XPR1: variants seen among roughly 807,000 people sequenced by gnomAD.
XPR1 encodes xenotropic and polytropic retrovirus receptor 1.
A neutral mutation model predicts 87.5 loss-of-function variants in XPR1; 28 were observed. The ratio of observed to expected loss-of-function variants is 0.32; its 90% confidence interval spans 0.24 to 0.44. XPR1 has a LOEUF of 0.44. Among genes scored for constraint, XPR1 ranks in the 20% least tolerant of loss-of-function variants. XPR1 has a pLI of 1.00. For missense variants in XPR1, 559 were observed against 862.3 expected (o/e 0.65, Z 4.41); for synonymous variants, 300 against 306.1 (o/e 0.98, Z 0.21).
chr1:180,744,975 C>A (rs907637981), intron 2 of XPR1, among the ~76,000 whole-genome samples: 6 of 152,156 alleles, frequency 3.9e-5, no homozygotes, highest in African/African-American at 1.4e-4. Context: ...TTCTAACTAA[C>A]CTTGTGTGAT....
chr1:180,650,225 C>G (rs780209856), intron 1 of XPR1, among the ~76,000 whole-genome samples: 2 of 151,932 alleles, frequency 1.3e-5, no homozygotes, highest in Non-Finnish European at 2.9e-5. Flanking sequence ...TATTTACCGC[C>G]GTCCCCCCAA....
chr1:180,883,991 C>T lies in XPR1; in HGVS notation c.2031-15C>T, dbSNP rs1652927866. 1 of 1,611,816 alleles carries T rather than the reference C, an allele frequency of 6.2e-7. No individual in the cohort carries two copies. The highest frequency in any genetic ancestry group is 1.3e-5 in the African/African-American group (1 of 74,648). On this transcript the variant is annotated splice_polypyrimidine_tract_variant and intron_variant, in intron 14 of 14. Coordinates refer to ENST00000367590, the MANE Select transcript of XPR1 (RefSeq NM_004736.4). ...TAATGGACTAAGTGCTTTTTGTCCC[C>T]CTTGTTACCACTAGATCCAAGGCTC...
At chr1:180,650,080 T>C (rs1351944361) in intron 1 of XPR1, among the ~76,000 whole-genome samples, 1 of 152,192 alleles carries the variant, frequency 6.6e-6, no homozygotes, top group African/African-American at 2.4e-5. Context: ...AAACCTCTTA[T>C]CTGCTGCTGT....
chr1:180,819,453 A>G (rs1650532340), intron 7 of XPR1, among the ~76,000 whole-genome samples: 1 of 152,170 alleles, frequency 6.6e-6, no homozygotes, highest in Non-Finnish European at 1.5e-5. Context: ...ATTTACTGAA[A>G]GCCTTAGAGA....
chr1:180,695,408 T>TTGTGTGTGTG (rs1205037869), intron 2 of XPR1, among the ~76,000 whole-genome samples: 10,415 of 148,454 alleles, frequency 0.07, 373 homozygotes, highest in Non-Finnish European at 0.082. Flanking sequence ...GTAGTCCCAT[T>TTGTGTGTGTG]TGTGTGTGTG....
rs1653018982 is a variant in XPR1, at chr1:180,886,608, A to G, written c.*2542A>G. 1 of 152,234 alleles carries G rather than the reference A, an allele frequency of 6.6e-6. No homozygotes were observed. The highest frequency in any genetic ancestry group is 2.4e-5 in the African/African-American group (1 of 41,470). The allele number at this position is 152,234 out of a possible 1,614,324, so 9.4% of individuals were successfully genotyped here. A position where few individuals can be genotyped will look rare whatever the true frequency, so the allele number is the denominator to read the frequency against. ...CATAGTCTATTCAAAAATAAGGCTT[A>G]TGTAACTTTCAGCTTGCTATGTGAC... On this transcript the variant is annotated 3_prime_UTR_variant, in exon 15 of 15. Coordinates refer to ENST00000367590, the MANE Select transcript of XPR1 (RefSeq NM_004736.4).
chr1:180,833,810 TGTTCTCATCTTTTTTAGA>T (rs1378520867), intron 9 of XPR1, among the ~76,000 whole-genome samples: 1 of 152,260 alleles, frequency 6.6e-6, no homozygotes, highest in Non-Finnish European at 1.5e-5. Flanking sequence ...GTCTTTAATC[TGTTCTCATCTTTTTTAGA>T]TGAATTATAA....
chr1:180,752,123 G>T (rs1307426655), intron 2 of XPR1, among the ~76,000 whole-genome samples: 2 of 152,072 alleles, frequency 1.3e-5, no homozygotes, highest in Non-Finnish European at 2.9e-5. Context: ...AGTAAAAGTT[G>T]AATATTTATG....
At chr1:180,862,124 C>T (rs909130535) in intron 11 of XPR1, among the ~76,000 whole-genome samples, 5 of 151,978 alleles carry the variant, frequency 3.3e-5, no homozygotes, top group African/African-American at 9.7e-5. Context: ...AACAATTGGC[C>T]TCTCATAAGC....
At chr1:180,734,489 C>T (rs1658663332) in intron 2 of XPR1, among the ~76,000 whole-genome samples, 1 of 152,086 alleles carries the variant, frequency 6.6e-6, no homozygotes, top group Non-Finnish European at 1.5e-5. Flanking sequence ...TGTTCAAATG[C>T]AATGATCTGA....
chr1:180,659,248 T>TCCTCCCTCCCTCCCTCCCTC (rs1213730747), intron 1 of XPR1, among the ~76,000 whole-genome samples: 1 of 7,476 alleles, frequency 1.3e-4, no homozygotes, highest in Non-Finnish European at 3.4e-4. Flanking sequence ...CTTCCTTCCT[T>TCCTCCCTCCCTCCCTCCCTC]CCTCCCTCCC....
chr1:180,646,270 C>G lies in XPR1; in HGVS notation c.69+14000C>G, dbSNP rs367952649. ...TCCTTAGCAGCAGACACGATCAACT[C>G]TTCACCAATAGTAAAGGGCTTCTTA... On this transcript the variant is annotated intron_variant, in intron 1 of 14. Transcript: ENST00000367590. 7.2e-4 allele frequency among the ~76,000 whole-genome samples: 110 copies of G among 152,332 alleles called. 8 individuals are homozygous for G. The East Asian group carries it at 0.011, about 15-fold the overall frequency.
In XPR1 at chr1:180,789,294, T is replaced by G. The variant is rs190338363; in HGVS notation, c.223+1440T>G. Among the ~76,000 whole-genome samples the G allele has an allele frequency of 1.2e-4, 19 of 152,346 alleles. No individual in the cohort carries two copies. The East Asian group carries it at 3.7e-3, about 29-fold the overall frequency. ...CTGAATAAATCTCTATCTTAATTTT[T>G]CATATCATGCTGGATGACTTCATTG... On this transcript the variant is annotated intron_variant, in intron 3 of 14. Transcript: ENST00000367590.
Position 180,708,416 on chromosome 1 carries a change from G to A in XPR1, c.121+26005G>A, listed in dbSNP as rs533341368. On this transcript the variant is annotated intron_variant, in intron 2 of 14. Transcript: ENST00000367590. ...ATGATGGTTGCACAACATTATGAAC[G>A]TACTTAATGCCATTGAATTGTACTC... Among the ~76,000 whole-genome samples the A allele has an allele frequency of 3.9e-5, 6 of 152,198 alleles. No individual in the cohort carries two copies. In the South Asian group the frequency reaches 1.0e-3, roughly 26 times the overall value.
At chr1:180,844,503 T>G (rs1651614714) in intron 11 of XPR1, among the ~76,000 whole-genome samples, 1 of 152,134 alleles carries the variant, frequency 6.6e-6, no homozygotes, top group African/African-American at 2.4e-5. Context: ...CATAATAAAT[T>G]GTATGTGACT....
chr1:180,834,494 G>C (rs1651202217), intron 9 of XPR1, among the ~76,000 whole-genome samples: 1 of 152,192 alleles, frequency 6.6e-6, no homozygotes, highest in South Asian at 2.1e-4. Context: ...TACTTGAAAA[G>C]TCAGTATGAA....
At chr1:180,840,774 A>G (rs1571886659) in intron 11 of XPR1, among the ~76,000 whole-genome samples, 1 of 152,062 alleles carries the variant, frequency 6.6e-6, no homozygotes, top group African/African-American at 2.4e-5. Flanking sequence ...CAGAGAGGAA[A>G]AAATTGAAAT....
intron 1 of XPR1, among the ~76,000 whole-genome samples, chr1:180,667,386 TAC>T: frequency 6.6e-6 from 1 of 152,348 alleles, no homozygotes; most frequent in East Asian, 1.9e-4. Context: ...TGTGGTGTAT[TAC>T]ATTGATTGAT....
chr1:180,882,495 T>C (rs946074831), intron 14 of XPR1, among the ~76,000 whole-genome samples: 1 of 152,150 alleles, frequency 6.6e-6, no homozygotes, highest in African/African-American at 2.4e-5. Context: ...TAGTTGGCAC[T>C]ACACGCCTGC....
Sources: allele counts gnomAD v4.1 joint callset (sites outside exome capture counted in the v4.1 genomes callset), GRCh38; gene constraint gnomAD v4.1.1; transcripts MANE v1.5; gene names NCBI Gene and HGNC (gene_info 2026-07-23, HGNC 2026-07-21).